FBN2: variants seen among roughly 807,000 people sequenced by gnomAD.
FBN2 encodes fibrillin 2.
A neutral mutation model predicts 355.6 loss-of-function variants in FBN2; 105 were observed. The ratio of observed to expected loss-of-function variants is 0.30; its 90% CI spans 0.25 to 0.35. The LOEUF (loss-of-function observed/expected upper bound fraction) is 0.35, where lower values mean the gene tolerates loss of function less well. Among genes scored for constraint, FBN2 ranks in the 10% least tolerant of loss-of-function variants. The probability of loss-of-function intolerance (pLI) is 1.00; values close to 1 mark genes in which losing one functional copy is unlikely to be tolerated. For synonymous variants in FBN2, 1,350 were observed against 1,301.2 expected (o/e 1.04, Z -0.81); for missense variants, 3,280 against 3,758.7 (o/e 0.87, Z 3.33).
intron 57 of FBN2, 29 bp from the exon 58 acceptor site, chr5:128,278,034 G>C: frequency 6.2e-7 from 1 of 1,612,862 alleles, no homozygotes. Flanking sequence ...AAAACAATCA[G>C]GAGTTAACAT....
intron 48 of FBN2, among the ~76,000 whole-genome samples, chr5:128,294,340 T>C (rs1749433722): frequency 6.6e-6 from 1 of 151,958 alleles, no homozygotes; most frequent in African/African-American, 2.4e-5. Context: ...TATAGTCCTT[T>C]GGGTATATAC....
At chr5:128,428,903 C>T (rs1049328513) in intron 7 of FBN2, among the ~76,000 whole-genome samples, 15 of 152,250 alleles carry the variant, frequency 9.9e-5, no homozygotes, top group African/African-American at 2.2e-4. Flanking sequence ...TCACCTCTCA[C>T]GGATGATTCT....
At chr5:128,381,380 C>T (rs762275188) in intron 11 of FBN2, among the ~76,000 whole-genome samples, 9 of 152,048 alleles carry the variant, frequency 5.9e-5, no homozygotes, top group East Asian at 5.8e-4. Flanking sequence ...AGTTATACTG[C>T]TTCATTAGGT....
chr5:128,516,802 C>T (rs1056020142), intron 5 of FBN2, among the ~76,000 whole-genome samples: 1 of 151,918 alleles, frequency 6.6e-6, no homozygotes, highest in Non-Finnish European at 1.5e-5. Context: ...TTTTTGCATC[C>T]ACACAGACAC....
At chr5:128,416,426 T>C (rs1383490553) in intron 7 of FBN2, among the ~76,000 whole-genome samples, 1 of 152,206 alleles carries the variant, frequency 6.6e-6, no homozygotes, top group Admixed American at 6.5e-5. Context: ...TAGAGTCCCA[T>C]TTGTCAATTT....
At position 128,291,587 on chromosome 5, in the gene FBN2, G is replaced by A; in HGVS notation, c.6234C>T (p.Gly2078=). 6 of 1,613,376 alleles carry A rather than the reference G, an allele frequency of 3.7e-6. No homozygotes were observed. Among genetic ancestry groups the A allele is most frequent in the Non-Finnish European group, 5.1e-6 (6 of 1,179,374 alleles). Residue 2078 remains glycine (G), a synonymous_variant, in exon 49 of 65, where the codon GGC becomes GGT. Coordinates refer to ENST00000262464, the MANE Select transcript of FBN2 (RefSeq NM_001999.4). ...AGCCAGGGGGGCAGAGGCACTGGAA[G>A]CCCCCTGGAGTATTAGTACAGGAAC... is the stretch of plus-strand genomic sequence containing the variant. ...LFGSCTNTPG[G]FQCLCPPGFV... is the part of the protein sequence containing the mutation.
intron 10 of FBN2, 102 bp from the exon 11 acceptor site, chr5:128,392,257 T>C: frequency 7.5e-6 from 7 of 928,186 alleles, no homozygotes; most frequent in South Asian, 6.0e-5. Context: ...ATTAGATGTA[T>C]ATCAGAAGCT....
intron 2 of FBN2, among the ~76,000 whole-genome samples, chr5:128,535,765 AC>A (rs1411083505): frequency 1.3e-5 from 2 of 151,634 alleles, no homozygotes; most frequent in Non-Finnish European, 2.9e-5. Context: ...TCTACTGCAC[AC>A]TATTGAGGTT....
Position 128,344,518 on chromosome 5 carries a change from C to A in FBN2, c.3218-8G>T, listed in dbSNP as rs1751117000. 1 of 1,613,364 alleles carries A rather than the reference C, an allele frequency of 6.2e-7. No individual in the cohort carries two copies. On this transcript the variant is annotated splice_polypyrimidine_tract_variant and splice_region_variant and intron_variant, in intron 24 of 64. Coordinates refer to ENST00000262464, the MANE Select transcript of FBN2 (RefSeq NM_001999.4). ...CTTTGCATTCATTGATGTCTAAAAG[C>A]AGAATGAAGCCAGAATGTAGAGCCG... is the stretch of plus-strand genomic sequence containing the variant.
At chr5:128,437,897 T>C (rs1394195836) in intron 7 of FBN2, among the ~76,000 whole-genome samples, 3 of 152,024 alleles carry the variant, frequency 2.0e-5, no homozygotes, top group African/African-American at 7.2e-5. Flanking sequence ...AAAAAGAAAT[T>C]GATCTGTTTT....
At chr5:128,533,197 A>G (rs188848114) in intron 2 of FBN2, among the ~76,000 whole-genome samples, 17 of 152,364 alleles carry the variant, frequency 1.1e-4, no homozygotes, top group African/African-American at 3.6e-4. Flanking sequence ...ACAAATGTGC[A>G]TTAAAACATT....
chr5:128,523,861 G>A (rs1756498653), intron 4 of FBN2, among the ~76,000 whole-genome samples: 1 of 151,888 alleles, frequency 6.6e-6, no homozygotes, highest in Non-Finnish European at 1.5e-5. Flanking sequence ...CACATCTTCA[G>A]CGACTACAGC....
At chr5:128,442,177 A>G (rs1753939421) in intron 7 of FBN2, 1 of 374,246 alleles carries the variant, frequency 2.7e-6, no homozygotes, top group Non-Finnish European at 5.2e-6. Flanking sequence ...AAAACTCTTC[A>G]AACTAAATTG....
At chr5:128,483,779 T>C (rs1755259271) in intron 5 of FBN2, among the ~76,000 whole-genome samples, 1 of 152,124 alleles carries the variant, frequency 6.6e-6, no homozygotes, top group South Asian at 2.1e-4. Context: ...TATAAATCAA[T>C]GGTTCTTAAA....
chr5:128,313,852 C>CAA (rs70997367), intron 36 of FBN2, among the ~76,000 whole-genome samples: 1,349 of 47,688 alleles, frequency 0.028, 103 homozygotes, highest in African/African-American at 0.035. Context: ...GACTCTGTCT[C>CAA]AAAAAAAAAA....
At chr5:128,465,490 T>G (rs1310982185) in intron 5 of FBN2, among the ~76,000 whole-genome samples, 1 of 152,160 alleles carries the variant, frequency 6.6e-6, no homozygotes, top group Non-Finnish European at 1.5e-5. Context: ...AACAAATCAA[T>G]AAAGATATGC....
At chr5:128,281,535 A>C (rs1422408517) in intron 55 of FBN2, among the ~76,000 whole-genome samples, 4 of 152,080 alleles carry the variant, frequency 2.6e-5, no homozygotes, top group African/African-American at 4.8e-5. Flanking sequence ...TGTTATCTAG[A>C]AGTTTTGGTT....
chr5:128,479,976 C>CTATA (rs200921131), intron 5 of FBN2, among the ~76,000 whole-genome samples: 9 of 29,070 alleles, frequency 3.1e-4, no homozygotes, highest in East Asian at 3.9e-3. Context: ...CTCTCTCTCT[C>CTATA]TATATATATA....
At chr5:128,294,490 C>T (rs1188329804) in intron 48 of FBN2, among the ~76,000 whole-genome samples, 7 of 151,936 alleles carry the variant, frequency 4.6e-5, no homozygotes, top group Non-Finnish European at 8.8e-5. Context: ...CACATCCTCC[C>T]CAGCACCTGT....
Sources: allele counts gnomAD v4.1 joint callset (sites outside exome capture counted in the v4.1 genomes callset), GRCh38; gene constraint gnomAD v4.1.1; transcripts MANE v1.5; gene names NCBI Gene and HGNC (gene_info 2026-07-23, HGNC 2026-07-21).